The following CPQ variants were observed in gnomAD, a reference collection of about 807,000 sequenced individuals.
CPQ encodes the protein Ser-Met dipeptidase.
A neutral mutation model predicts 45.7 loss-of-function variants in CPQ; 37 were observed. The observed-to-expected ratio is 0.81, with a 90% CI of 0.62 to 1.07. The LOEUF is 1.07. CPQ is among the 50% of genes least tolerant of loss of function. CPQ has a pLI of 0.00. For missense variants in CPQ, 537 were observed against 572.9 expected, an observed-to-expected ratio of 0.94 and a Z score of 0.64; for synonymous variants, 186 against 205.8, an observed-to-expected ratio of 0.90 and a Z score of 0.82.
chr8:96,950,854 A>T (rs1259191513), intron 4 of CPQ, among the ~76,000 whole-genome samples: 1 of 152,118 alleles, frequency 6.6e-6, no homozygotes, highest in African/African-American at 2.4e-5. Flanking sequence ...TACACAAAAG[A>T]GGGAGCGCAG....
intron 7 of CPQ, among the ~76,000 whole-genome samples, chr8:97,130,420 GTTTT>G (rs67911510): frequency 0.11 from 14,023 of 125,296 alleles, 916 homozygotes; most frequent in African/African-American, 0.2. Flanking sequence ...ATCGTCAGCT[GTTTT>G]TTTTTTTTTT....
chr8:96,830,624 C>T (rs923342406), intron 2 of CPQ, among the ~76,000 whole-genome samples: 6 of 152,094 alleles, frequency 3.9e-5, no homozygotes, highest in Admixed American at 2.6e-4. Context: ...CCCACATTCT[C>T]TTCAGAAATT....
chr8:96,764,830 A>C (rs1810446952), intron 1 of CPQ, among the ~76,000 whole-genome samples: 1 of 152,168 alleles, frequency 6.6e-6, no homozygotes, highest in Non-Finnish European at 1.5e-5. Context: ...AACCACCCAA[A>C]TGCCAAGACA....
chr8:96,992,914 T>G (rs1369278698), intron 5 of CPQ, among the ~76,000 whole-genome samples: 2 of 152,180 alleles, frequency 1.3e-5, no homozygotes, highest in African/African-American at 2.4e-5. Flanking sequence ...TATCATGACT[T>G]TCATTTGTTG....
intron 5 of CPQ, among the ~76,000 whole-genome samples, chr8:97,001,276 G>A (rs56295838): frequency 0.074 from 11,235 of 152,046 alleles, 770 homozygotes; most frequent in African/African-American, 0.18. Flanking sequence ...CCAATATTAT[G>A]TTGAATAGGA....
chr8:96,757,189 A>T (rs757969199), intron 1 of CPQ, among the ~76,000 whole-genome samples: 17 of 151,906 alleles, frequency 1.1e-4, no homozygotes, highest in Non-Finnish European at 2.2e-4. Flanking sequence ...CTGTGCTAGA[A>T]ATACAAAAAT....
At chr8:97,014,797 A>G (rs547704006) in intron 5 of CPQ, among the ~76,000 whole-genome samples, 1 of 152,314 alleles carries the variant, frequency 6.6e-6, no homozygotes, top group East Asian at 1.9e-4. Context: ...CTTCATAACT[A>G]ATTTTATACA....
chr8:96,828,370 C>T (rs1258836909), intron 2 of CPQ, among the ~76,000 whole-genome samples: 1 of 151,940 alleles, frequency 6.6e-6, no homozygotes, highest in South Asian at 2.1e-4. Flanking sequence ...AGCCTTCTAT[C>T]GTCATTCTCT....
chr8:96,668,382 G>C (rs1392876349), intron 1 of CPQ, among the ~76,000 whole-genome samples: 1 of 152,168 alleles, frequency 6.6e-6, no homozygotes, highest in Non-Finnish European at 1.5e-5. Flanking sequence ...ACATGACCAA[G>C]GATGAGATCA....
Position 96,749,289 on chromosome 8 carries a change from C to CTA in CPQ, c.-34-35574_-34-35573insAT, listed in dbSNP as rs539376618. On this transcript the variant is annotated intron_variant, in intron 1 of 7. Coordinates refer to ENST00000220763, the MANE Select transcript of CPQ (RefSeq NM_016134.4). ...ATGACAGACTGACCAAGTGATCTGG[C>CTA]TTTTCTCCACGCTCTGGGAAATAGT... Among the ~76,000 whole-genome samples the CTA allele has an allele frequency of 1.1e-4, 16 of 152,276 alleles. No individual in the cohort carries two copies. The East Asian group carries it at 3.1e-3, about 29-fold the overall frequency.
intron 1 of CPQ, among the ~76,000 whole-genome samples, chr8:96,710,861 A>T (rs1186285146): frequency 1.3e-5 from 2 of 151,928 alleles, no homozygotes; most frequent in Non-Finnish European, 2.9e-5. Context: ...TATTAGGTCA[A>T]TTTTTTTTAT....
chr8:97,127,794 T>C lies in CPQ; in HGVS notation c.1256-15226T>C, dbSNP rs116132933. Among the ~76,000 whole-genome samples the C allele has an allele frequency of 5.9e-3, 902 of 152,320 alleles. 5 individuals carry two copies. Among genetic ancestry groups the C allele is most frequent in the African/African-American group, 0.02 (829 of 41,570 alleles). ...CAAACAAACTATGCAATAATGTGGA[T>C]GAATTCCCAAATCATTATGCTGAGC... On this transcript the variant is annotated intron_variant, in intron 7 of 7. Coordinates refer to ENST00000220763, the MANE Select transcript of CPQ (RefSeq NM_016134.4).
chr8:96,870,046 T>G lies in CPQ; in HGVS notation c.642-9752T>G, dbSNP rs185493562. Among the ~76,000 whole-genome samples the G allele has an allele frequency of 1.2e-4, 19 of 152,092 alleles. 1 individual carries two copies. The East Asian group carries it at 3.7e-3, about 29-fold the overall frequency. On this transcript the variant is annotated intron_variant, in intron 3 of 7. Transcript: ENST00000220763. The stretch of plus-strand genomic sequence containing the variant: ...TGTGCGTAAATGGGTATAAAATAAA[T>G]ACAATGCTGAGTGATACTTCGATAT...
intron 7 of CPQ, among the ~76,000 whole-genome samples, chr8:97,091,365 A>G (rs537818693): frequency 6.6e-6 from 1 of 152,320 alleles, no homozygotes; most frequent in East Asian, 1.9e-4. Flanking sequence ...GACTGACTTC[A>G]GTACAGTCAC....
chr8:96,995,825 T>A (rs1213521435), intron 5 of CPQ, among the ~76,000 whole-genome samples: 1 of 151,986 alleles, frequency 6.6e-6, no homozygotes, highest in African/African-American at 2.4e-5. Context: ...TCTCCCTCTT[T>A]CCACCATCTC....
chr8:96,748,759 G>T (rs765366492), intron 1 of CPQ, among the ~76,000 whole-genome samples: 12 of 152,114 alleles, frequency 7.9e-5, no homozygotes, highest in Non-Finnish European at 1.6e-4. Flanking sequence ...TCAACAGATT[G>T]CTACAGATTG....
At chr8:96,835,984 G>A (rs1054624219) in intron 3 of CPQ, among the ~76,000 whole-genome samples, 1 of 152,110 alleles carries the variant, frequency 6.6e-6, no homozygotes, top group African/African-American at 2.4e-5. Context: ...TAAAAACTGA[G>A]ATGTAGATGT....
At chr8:96,845,097 G>C (rs1381461492) in intron 3 of CPQ, among the ~76,000 whole-genome samples, 1 of 152,192 alleles carries the variant, frequency 6.6e-6, no homozygotes, top group Admixed American at 6.5e-5. Context: ...GGTTGGCTCT[G>C]TTTCAATCTT....
At chr8:96,652,940 T>C (rs1447743041) in intron 1 of CPQ, among the ~76,000 whole-genome samples, 1 of 152,162 alleles carries the variant, frequency 6.6e-6, no homozygotes, top group African/African-American at 2.4e-5. Flanking sequence ...GGCCCCAGAA[T>C]TTTGTTTTTG....
Sources: allele counts gnomAD v4.1 joint callset (sites outside exome capture counted in the v4.1 genomes callset), GRCh38; gene constraint gnomAD v4.1.1; transcripts MANE v1.5; gene names NCBI Gene and HGNC (gene_info 2026-07-23, HGNC 2026-07-21).